SLA: variants seen among roughly 807,000 people sequenced by gnomAD.
SLA encodes the protein Src like adaptor.
SLA carries 16 observed loss-of-function variants against 30.3 expected under a neutral mutation model. That is an observed-to-expected ratio of 0.53 (90% CI 0.36 to 0.80). SLA has a LOEUF of 0.80. Among genes scored for constraint, SLA ranks in the 30% least tolerant of loss-of-function variants. The pLI is 0.01. For synonymous variants in SLA, 143 were observed against 137.8 expected (o/e 1.04, Z -0.26); for missense variants, 310 against 345.2 (o/e 0.90, Z 0.81).
In SLA at chr8:133,037,295, AT is replaced by A. The variant is rs1437497280; in HGVS notation, c.*1228del. On this transcript the variant is annotated 3_prime_UTR_variant, in exon 9 of 9. Transcript: ENST00000338087. ...TGTGTTTTCTCCCTTGTCTCTTAAAATTATGCATGACATCATTAATCCACTT... is the reference window on the plus strand; with the variant it reads ...TGTGTTTTCTCCCTTGTCTCTTAAAATATGCATGACATCATTAATCCACTT... The A allele has an allele frequency of 3.9e-5, 6 of 152,276 alleles. No individual in the cohort carries two copies. Among genetic ancestry groups the A allele is most frequent in the Non-Finnish European group, 8.8e-5 (6 of 68,024 alleles). The allele number at this position is 152,276 out of a possible 1,614,324, so 9.4% of individuals were successfully genotyped here.
intron 1 of SLA, 30 bp downstream of exon 1, chr8:133,102,523 G>A (rs752438805): frequency 6.4e-7 from 1 of 1,550,560 alleles, no homozygotes; most frequent in Admixed American, 2.0e-5. Context: ...CACCCAGGGG[G>A]TCCCAATGAC....
intron 2 of SLA, among the ~76,000 whole-genome samples, chr8:133,074,602 AT>A (rs1394428808): frequency 6.6e-6 from 1 of 152,166 alleles, no homozygotes; most frequent in Non-Finnish European, 1.5e-5. Context: ...TTTGGCGAGA[AT>A]GTCTCCTCTG....
chr8:133,058,515 C>A (rs370975497), intron 3 of SLA, among the ~76,000 whole-genome samples: 1 of 152,176 alleles, frequency 6.6e-6, no homozygotes, highest in Non-Finnish European at 1.5e-5. Flanking sequence ...CCCCTCTGCC[C>A]CAGGCTGAGA....
chr8:133,069,321 C>A (rs1273370398), intron 2 of SLA, among the ~76,000 whole-genome samples: 1 of 152,218 alleles, frequency 6.6e-6, no homozygotes, highest in Non-Finnish European at 1.5e-5. Flanking sequence ...AGCATTTCAC[C>A]TGACACAGCA....
Position 133,060,106 on chromosome 8 carries a change from G to A in SLA, c.55C>T (p.Pro19Ser). 1.3e-6 allele frequency: 2 copies of A among 1,599,242 alleles called. No homozygotes were observed. Among genetic ancestry groups the A allele is most frequent in the Non-Finnish European group, 1.7e-6 (2 of 1,175,612 alleles). ...PAPAERPLPNPEGLDSDFLAV... is the reference protein window; with the variant it reads ...PAPAERPLPNSEGLDSDFLAV... Reference sequence around the variant, plus strand: ...CCAGAGAAGCCAGACTTACCCTCCGGGTTGGGCAGGGGCCTCTCGGCAGGC... The same window carrying A: ...CCAGAGAAGCCAGACTTACCCTCCGAGTTGGGCAGGGGCCTCTCGGCAGGC... The change falls in exon 3 of 9, where the codon CCG (proline) becomes TCG (serine). Residue 19 changes from proline (P) to serine (S), a missense_variant. Transcript: ENST00000338087.
intron 7 of SLA, among the ~76,000 whole-genome samples, chr8:133,042,841 C>G (rs1838569348): frequency 6.6e-6 from 1 of 151,700 alleles, no homozygotes; most frequent in African/African-American, 2.4e-5. Flanking sequence ...TTACAGGCGC[C>G]CACCACCACA....
intron 2 of SLA, among the ~76,000 whole-genome samples, chr8:133,063,904 A>G (rs1424019258): frequency 2.0e-5 from 3 of 152,250 alleles, no homozygotes; most frequent in African/African-American, 7.2e-5. Flanking sequence ...TGGCTGAACA[A>G]TTTGATTTAA....
In SLA at chr8:133,047,907, T is replaced by C; in HGVS notation, c.275A>G (p.Asp92Gly). 1 of 1,611,266 alleles carries C rather than the reference T, an allele frequency of 6.2e-7. No homozygotes were observed. Among genetic ancestry groups the C allele is most frequent in the Non-Finnish European group, 8.5e-7 (1 of 1,178,386 alleles). ...HGWLFEGLGR[D>G]KAEELLQLPD... ...CAGCTGCAGCAGCTCCTCGGCCTTG[T>C]CTCTGCCCAGGCCCTCAAACAGCCA... The change falls in exon 6 of 9, where the codon GAC becomes GGC. Residue 92 changes from aspartate to glycine, a missense_variant. By Grantham distance (94) the Asp-to-Gly change is moderately conservative (BLOSUM62 -1). Transcript: ENST00000338087.
intron 7 of SLA, among the ~76,000 whole-genome samples, chr8:133,042,203 C>T (rs926055189): frequency 5.3e-5 from 8 of 152,132 alleles, no homozygotes; most frequent in African/African-American, 1.9e-4. Context: ...ATTCTAAAAG[C>T]AACTCATTGC....
chr8:133,094,760 T>C (rs990968215), intron 1 of SLA: 3 of 496,824 alleles, frequency 6.0e-6, no homozygotes, highest in Non-Finnish European at 1.1e-5. Flanking sequence ...TGCCTCTATA[T>C]ACAAATTCAT....
chr8:133,037,461 G>T lies in SLA; in HGVS notation c.*1063C>A, dbSNP rs370220712. On this transcript the variant is annotated 3_prime_UTR_variant, in exon 9 of 9. Coordinates refer to ENST00000338087, the MANE Select transcript of SLA (RefSeq NM_001045556.3). ...AAAATCCAGCTATTCTTACCTACCCGATCCAGCCAGCCCTTCCACTCTGAA... is the reference window on the plus strand; with the variant it reads ...AAAATCCAGCTATTCTTACCTACCCTATCCAGCCAGCCCTTCCACTCTGAA... 6.6e-6 allele frequency: 1 copy of T among 152,034 alleles called. No homozygotes were observed. Among genetic ancestry groups the T allele is most frequent in the Non-Finnish European group, 1.5e-5 (1 of 68,008 alleles). 9.4% of individuals were successfully genotyped at this position (152,034 alleles called of 1,614,324 possible).
chr8:133,069,872 G>T (rs1843692601), intron 2 of SLA, among the ~76,000 whole-genome samples: 1 of 151,722 alleles, frequency 6.6e-6, no homozygotes, highest in Non-Finnish European at 1.5e-5. Flanking sequence ...CGTGGTGGCA[G>T]GTGCTGAAAT....
intron 3 of SLA, among the ~76,000 whole-genome samples, chr8:133,058,617 T>A (rs1841888652): frequency 1.3e-5 from 2 of 152,154 alleles, no homozygotes; most frequent in Admixed American, 1.3e-4. Context: ...GCAGTGGTTA[T>A]GACCAGAGGA....
intron 8 of SLA, among the ~76,000 whole-genome samples, chr8:133,039,413 G>A (rs545846235): frequency 2.0e-5 from 3 of 152,188 alleles, no homozygotes; most frequent in South Asian, 4.1e-4. Context: ...TTCATGTCTC[G>A]CATAATTTTG....
intron 5 of SLA, chr8:133,049,681 C>T: frequency 1.8e-6 from 1 of 547,634 alleles, no homozygotes; most frequent in South Asian, 2.1e-5. Flanking sequence ...AAAGGTCCAA[C>T]TTCCTTCATT....
chr8:133,056,903 T>A (rs1219508090), intron 3 of SLA, among the ~76,000 whole-genome samples: 1 of 152,122 alleles, frequency 6.6e-6, no homozygotes, highest in African/African-American at 2.4e-5. Flanking sequence ...TCCTAGGAAA[T>A]TCAGCTGGCG....
intron 1 of SLA, among the ~76,000 whole-genome samples, chr8:133,080,650 AT>A (rs1259251434): frequency 6.6e-6 from 1 of 152,014 alleles, no homozygotes; most frequent in Non-Finnish European, 1.5e-5. Context: ...AAGCTCATCA[AT>A]CTGTTCTCCA....
chr8:133,101,233 G>A (rs898070025), intron 1 of SLA, among the ~76,000 whole-genome samples: 3 of 152,184 alleles, frequency 2.0e-5, no homozygotes, highest in Non-Finnish European at 4.4e-5. Context: ...CTGCAAGAGG[G>A]CACAGTGGAC....
chr8:133,074,297 G>T (rs1043962329), intron 2 of SLA, among the ~76,000 whole-genome samples: 1 of 152,048 alleles, frequency 6.6e-6, no homozygotes, highest in African/African-American at 2.4e-5. Context: ...TCCAAGTAGC[G>T]CTATTGCAAT....
Sources: gnomAD v4.1 joint callset for allele counts (sites outside exome capture counted in the v4.1 genomes callset) on GRCh38, gnomAD v4.1.1 for gene constraint, MANE v1.5 for transcripts, NCBI Gene and HGNC (gene_info 2026-07-23, HGNC 2026-07-21) for gene names.